NMBR: variants seen among roughly 807,000 people sequenced by gnomAD.
NMBR encodes neuromedin-B receptor.
NMBR carries 16 observed loss-of-function variants against 20.5 expected under a neutral mutation model. The observed-to-expected ratio is 0.78, with a 90% CI of 0.53 to 1.19. The LOEUF is 1.19. NMBR is among the 50% of genes most tolerant of loss of function. The pLI is 0.00. For missense variants in NMBR, 582 were observed against 499.1 expected, an observed-to-expected ratio of 1.17 and a Z score of -1.58; for synonymous variants, 212 against 196.6, an observed-to-expected ratio of 1.08 and a Z score of -0.65.
intron 1 of NMBR, among the ~76,000 whole-genome samples, chr6:142,135,327 C>T (rs1778232984): frequency 6.6e-6 from 1 of 151,926 alleles, no homozygotes; most frequent in Non-Finnish European, 1.5e-5. Flanking sequence ...TGGAACTATA[C>T]AGTTTTAAAT....
rs988544722 is a variant in NMBR, at chr6:142,092,076, G to A, written c.-663-2755C>T. 2.6e-5 allele frequency among the ~76,000 whole-genome samples: 4 copies of A among 152,092 alleles called. No individual in the cohort carries two copies. The East Asian group carries it at 7.7e-4, about 29-fold the overall frequency. On this transcript the variant is annotated intron_variant, in intron 1 of 3. Coordinates refer to ENST00000258042, the MANE Select transcript of NMBR (RefSeq NM_002511.4). ...GATCATGACAAAGGCAAGTATACTCGCTATTATCATTGTTATTTAACACAC... is the reference window on the plus strand; with the variant it reads ...GATCATGACAAAGGCAAGTATACTCACTATTATCATTGTTATTTAACACAC...
chr6:142,123,191 A>C (rs1440258834), intron 1 of NMBR, among the ~76,000 whole-genome samples: 1 of 151,980 alleles, frequency 6.6e-6, no homozygotes, highest in East Asian at 1.9e-4. Context: ...ATGGAAAACT[A>C]TGAAAGTTTC....
chr6:142,135,679 T>G (rs568830803), intron 1 of NMBR, among the ~76,000 whole-genome samples: 77 of 148,598 alleles, frequency 5.2e-4, no homozygotes, highest in South Asian at 1.1e-3. Flanking sequence ...CAGAGTGTGA[T>G]GTTCCACTTC....
At chr6:142,108,190 C>A (rs937028804) in intron 1 of NMBR, among the ~76,000 whole-genome samples, 1 of 152,056 alleles carries the variant, frequency 6.6e-6, no homozygotes, top group Non-Finnish European at 1.5e-5. Flanking sequence ...GACTGAAAAC[C>A]TTCCAAATTT....
At chr6:142,092,323 A>C (rs1162805069) in intron 1 of NMBR, among the ~76,000 whole-genome samples, 1 of 152,132 alleles carries the variant, frequency 6.6e-6, no homozygotes, top group Non-Finnish European at 1.5e-5. Flanking sequence ...ATAAAAACTT[A>C]GTAGATAATA....
rs146019634 is a variant in NMBR at position 142,125,609 on chromosome 6, A to G, written c.-664+21435T>C. Among the ~76,000 whole-genome samples, 326 of 151,964 alleles carry G rather than the reference A, an allele frequency of 2.1e-3. 2 individuals are homozygous for G. The highest frequency in any genetic ancestry group is 3.0e-3 in the Non-Finnish European group (201 of 67,834). The stretch of plus-strand genomic sequence containing the variant: ...CACCTTGCACAGTAGCTGGTATTAT[A>G]TATAGATGCTCAACATTTATTCAAA... On this transcript the variant is annotated intron_variant, in intron 1 of 3. Coordinates refer to ENST00000258042, the MANE Select transcript of NMBR (RefSeq NM_002511.4).
chr6:142,088,721 G>T lies in NMBR; in HGVS notation c.-63C>A. ...CGCTCCGGTGCCCTGAGGACTGAAC[G>T]CCCACGATTTAGGTTTAATCGATGT... On this transcript the variant is annotated 5_prime_UTR_variant, in exon 2 of 4. Coordinates refer to ENST00000258042, the MANE Select transcript of NMBR (RefSeq NM_002511.4). 2 of 1,442,892 alleles carry T rather than the reference G, an allele frequency of 1.4e-6. No homozygotes were observed. The highest frequency in any genetic ancestry group is 1.9e-6 in the Non-Finnish European group (2 of 1,066,840). The allele number at this position is 1,442,892 out of a possible 1,614,324, so 89.4% of individuals were successfully genotyped here. A position where few individuals can be genotyped will look rare whatever the true frequency, so the allele number is the denominator to read the frequency against.
chr6:142,139,913 C>G lies in NMBR; in HGVS notation c.-664+7131G>C, dbSNP rs951240863. 2.6e-5 allele frequency among the ~76,000 whole-genome samples: 4 copies of G among 152,182 alleles called. No homozygotes were observed. In the East Asian group the frequency reaches 7.7e-4, roughly 29 times the overall value. On this transcript the variant is annotated intron_variant, in intron 1 of 3. Transcript: ENST00000258042. ...AGCATCAAAACTAAACAATATCTAA[C>G]CATTTGAAATGATATTTAAAAGCAT...
intron 3 of NMBR, among the ~76,000 whole-genome samples, chr6:142,077,303 A>G (rs926149209): frequency 6.6e-6 from 1 of 152,184 alleles, no homozygotes; most frequent in African/African-American, 2.4e-5. Flanking sequence ...CAGGCAGACC[A>G]AGGCCAATAA....
chr6:142,116,512 G>A (rs1039593878), intron 1 of NMBR, among the ~76,000 whole-genome samples: 1 of 151,948 alleles, frequency 6.6e-6, no homozygotes, highest in Admixed American at 6.6e-5. Flanking sequence ...CCCTACAAGG[G>A]TATTGATGCT....
chr6:142,117,267 A>C (rs1356824524), intron 1 of NMBR, among the ~76,000 whole-genome samples: 2 of 152,012 alleles, frequency 1.3e-5, no homozygotes, highest in African/African-American at 4.8e-5. Context: ...CCAAAAAGTC[A>C]AATAATTGTA....
At chr6:142,089,800 T>A (rs974625867) in intron 1 of NMBR, among the ~76,000 whole-genome samples, 4 of 152,216 alleles carry the variant, frequency 2.6e-5, no homozygotes, top group Non-Finnish European at 5.9e-5. Context: ...ACATTTGGGT[T>A]CCTTACAATT....
At chr6:142,105,887 T>G (rs944426596) in intron 1 of NMBR, among the ~76,000 whole-genome samples, 10 of 152,284 alleles carry the variant, frequency 6.6e-5, no homozygotes, top group Non-Finnish European at 1.0e-4. Flanking sequence ...TCTATAGCAT[T>G]TAAAAGTAGC....
intron 1 of NMBR, among the ~76,000 whole-genome samples, chr6:142,138,313 T>A (rs58877629): frequency 6.6e-6 from 1 of 152,258 alleles, no homozygotes; most frequent in African/African-American, 2.4e-5. Flanking sequence ...GGATCTAAGG[T>A]TTTCATCATT....
At chr6:142,080,287 T>C (rs553174309) in intron 2 of NMBR, among the ~76,000 whole-genome samples, 12 of 151,700 alleles carry the variant, frequency 7.9e-5, no homozygotes, top group Non-Finnish European at 1.6e-4. Flanking sequence ...TCCTATGTTA[T>C]ATGTGCACAT....
At chr6:142,098,024 A>T (rs1378861470) in intron 1 of NMBR, among the ~76,000 whole-genome samples, 3 of 152,120 alleles carry the variant, frequency 2.0e-5, no homozygotes, top group Non-Finnish European at 4.4e-5. Flanking sequence ...CTGGGGAAAA[A>T]AATGAATAAA....
intron 1 of NMBR, among the ~76,000 whole-genome samples, chr6:142,096,211 C>T (rs1287296251): frequency 6.6e-6 from 1 of 151,988 alleles, no homozygotes; most frequent in African/African-American, 2.4e-5. Flanking sequence ...AATGTGTTTG[C>T]TCTTGTTTCT....
At chr6:142,123,718 C>T (rs1777984385) in intron 1 of NMBR, among the ~76,000 whole-genome samples, 1 of 151,864 alleles carries the variant, frequency 6.6e-6, no homozygotes, top group African/African-American at 2.4e-5. Context: ...TGATCATTAG[C>T]ATTTTTAAAC....
chr6:142,138,542 C>A (rs919262185), intron 1 of NMBR, among the ~76,000 whole-genome samples: 16 of 152,182 alleles, frequency 1.1e-4, no homozygotes, highest in Middle Eastern at 3.4e-3. Flanking sequence ...TAAAAATTGT[C>A]CACTCTACAA....
Sources: allele counts gnomAD v4.1 joint callset (sites outside exome capture counted in the v4.1 genomes callset), GRCh38; gene constraint gnomAD v4.1.1; transcripts MANE v1.5; gene names NCBI Gene and HGNC (gene_info 2026-07-23, HGNC 2026-07-21).